Variants in PRKCA observed in about 807,000 individuals in gnomAD.
PRKCA encodes protein kinase C alpha, also known as protein kinase C alpha type.
Under a neutral mutation model 87.0 loss-of-function variants are expected in PRKCA, and 27 were observed. The ratio of observed to expected loss-of-function variants is 0.31; its 90% confidence interval spans 0.23 to 0.43. The LOEUF is 0.43. Among genes scored for constraint, PRKCA ranks in the 20% least tolerant of loss-of-function variants. The pLI, the probability that PRKCA is intolerant of heterozygous loss-of-function variation, is 1.00. For synonymous variants in PRKCA, 329 were observed against 311.1 expected (o/e 1.06, Z -0.61); for missense variants, 518 against 852.3 (o/e 0.61, Z 4.88).
At chr17:66,779,885 A>T (rs977406333) in intron 14 of PRKCA, among the ~76,000 whole-genome samples, 2 of 152,178 alleles carry the variant, frequency 1.3e-5, no homozygotes, top group Admixed American at 1.3e-4. Context: ...GAGAGAAGGC[A>T]TCCAAAATGG....
At chr17:66,642,705 T>C (rs557561965) in intron 4 of PRKCA, among the ~76,000 whole-genome samples, 1 of 152,268 alleles carries the variant, frequency 6.6e-6, no homozygotes, top group South Asian at 2.1e-4. Flanking sequence ...ACACAGGGAT[T>C]CTTCACCTTA....
At chr17:66,488,852 T>G (rs1173700952) in intron 2 of PRKCA, among the ~76,000 whole-genome samples, 1 of 152,224 alleles carries the variant, frequency 6.6e-6, no homozygotes, top group Non-Finnish European at 1.5e-5. Context: ...ACTTTTAATG[T>G]GTATCCCAGG....
chr17:66,723,352 G>A (rs531936566), intron 8 of PRKCA, among the ~76,000 whole-genome samples: 1 of 152,190 alleles, frequency 6.6e-6, no homozygotes, highest in South Asian at 2.1e-4. Context: ...AGTAATGTTG[G>A]GTGCGGTGGC....
intron 3 of PRKCA, among the ~76,000 whole-genome samples, chr17:66,536,592 T>C (rs545079369): frequency 1.3e-5 from 2 of 152,244 alleles, no homozygotes; most frequent in Non-Finnish European, 2.9e-5. Context: ...GGCTTCTTGC[T>C]TAACCCCTCT....
chr17:66,604,960 G>C (rs1236338397), intron 3 of PRKCA, among the ~76,000 whole-genome samples: 1 of 152,046 alleles, frequency 6.6e-6, no homozygotes, highest in Non-Finnish European at 1.5e-5. Flanking sequence ...CTTTGTCTGT[G>C]TCAGCTACTC....
At chr17:66,481,989 T>A (rs1014118486) in intron 2 of PRKCA, among the ~76,000 whole-genome samples, 9 of 149,574 alleles carry the variant, frequency 6.0e-5, no homozygotes, top group Non-Finnish European at 1.3e-4. Context: ...TAATCCCAGC[T>A]GTGTGGGAGG....
At chr17:66,467,661 G>A (rs1384736280) in intron 2 of PRKCA, among the ~76,000 whole-genome samples, 1 of 152,120 alleles carries the variant, frequency 6.6e-6, no homozygotes, top group African/African-American at 2.4e-5. Context: ...GGGCTCAAGC[G>A]ATCCTCCTGC....
At chr17:66,448,945 A>C (rs952925148) in intron 2 of PRKCA, among the ~76,000 whole-genome samples, 1 of 150,406 alleles carries the variant, frequency 6.6e-6, no homozygotes, top group African/African-American at 2.4e-5. Flanking sequence ...TAGTATTTTG[A>C]AGAGAGTAGG....
intron 8 of PRKCA, among the ~76,000 whole-genome samples, chr17:66,727,014 G>A (rs1567998581): frequency 6.6e-6 from 1 of 152,038 alleles, no homozygotes; most frequent in Non-Finnish European, 1.5e-5. Context: ...TTGAGCCACC[G>A]TGCCTGGCTT....
At chr17:66,303,522 C>T (rs1236578932) in intron 1 of PRKCA, among the ~76,000 whole-genome samples, 1 of 151,538 alleles carries the variant, frequency 6.6e-6, no homozygotes, top group African/African-American at 2.4e-5. Flanking sequence ...TGTGTTTGTG[C>T]TTCCCATCGG....
At chr17:66,318,095 C>G (rs1045875976) in intron 2 of PRKCA, among the ~76,000 whole-genome samples, 10 of 152,200 alleles carry the variant, frequency 6.6e-5, no homozygotes, top group African/African-American at 2.4e-4. Context: ...AACAATACTT[C>G]TGAAGTTTTC....
intron 2 of PRKCA, among the ~76,000 whole-genome samples, chr17:66,359,527 A>G (rs999759045): frequency 2.6e-5 from 4 of 152,216 alleles, no homozygotes; most frequent in African/African-American, 9.6e-5. Context: ...CACCCTGGCC[A>G]TGTGGGCCTG....
At chr17:66,729,719 C>G (rs1295405524) in intron 8 of PRKCA, among the ~76,000 whole-genome samples, 1 of 151,746 alleles carries the variant, frequency 6.6e-6, no homozygotes. Context: ...AATGGGGGCA[C>G]TCAACTCATC....
At chr17:66,544,147 C>T (rs1968078293) in intron 3 of PRKCA, among the ~76,000 whole-genome samples, 1 of 152,026 alleles carries the variant, frequency 6.6e-6, no homozygotes, top group Admixed American at 6.6e-5. Context: ...TCGCTGGAAC[C>T]CGGGAGGTGG....
At chr17:66,726,027 A>G (rs7219495) in intron 8 of PRKCA, among the ~76,000 whole-genome samples, 96,721 of 151,408 alleles carry the variant, frequency 0.64, 31,090 homozygotes, top group East Asian at 0.71. Context: ...GTGAGCTGGA[A>G]GAACATTCTG....
At chr17:66,723,313 C>T (rs1973660835) in intron 8 of PRKCA, among the ~76,000 whole-genome samples, 1 of 152,188 alleles carries the variant, frequency 6.6e-6, no homozygotes, top group African/African-American at 2.4e-5. Flanking sequence ...CACTTTGTCT[C>T]CTTTCTGGGT....
At position 66,434,714 on chromosome 17, in the gene PRKCA, C is replaced by T. The variant is rs532109131; in HGVS notation, c.206-61487C>T. 1.9e-4 allele frequency among the ~76,000 whole-genome samples: 29 copies of T among 152,252 alleles called. 1 individual carries two copies. Among genetic ancestry groups the T allele is most frequent in the East Asian group, 1.9e-4 (1 of 5,162 alleles). ...TGCCCAGGTTCAAACTTTGGTTCCT[C>T]GGCTTGTTAGCTGCATGGCCTAGAC... On this transcript the variant is annotated intron_variant, in intron 2 of 16. Transcript: ENST00000413366.
At chr17:66,714,074 T>C (rs1357950778) in intron 8 of PRKCA, among the ~76,000 whole-genome samples, 1 of 152,094 alleles carries the variant, frequency 6.6e-6, no homozygotes, top group East Asian at 1.9e-4. Flanking sequence ...TGACAAAACC[T>C]CTGTTCACTT....
intron 2 of PRKCA, among the ~76,000 whole-genome samples, chr17:66,440,423 A>G (rs1288770055): frequency 6.6e-6 from 1 of 152,230 alleles, no homozygotes; most frequent in African/African-American, 2.4e-5. Context: ...AAGTCAGCAC[A>G]TGTCTCCATC....
Sources: gnomAD v4.1 joint callset for allele counts (sites outside exome capture counted in the v4.1 genomes callset) on GRCh38, gnomAD v4.1.1 for gene constraint, MANE v1.5 for transcripts, NCBI Gene and HGNC (gene_info 2026-07-23, HGNC 2026-07-21) for gene names.